The following BCAS3 variants were observed in gnomAD, a reference collection of about 807,000 sequenced individuals.
The protein encoded by BCAS3 is BCAS4/BCAS3 fusion.
BCAS3 carries 53 observed loss-of-function variants against 116.1 expected under a neutral mutation model. The ratio of observed to expected loss-of-function variants is 0.46; its 90% CI spans 0.37 to 0.57. The LOEUF is 0.57. Among genes scored for constraint, BCAS3 ranks in the 20% least tolerant of loss-of-function variants. BCAS3 has a pLI of 0.00. For synonymous variants in BCAS3, 391 were observed against 408.2 expected (o/e 0.96, Z 0.51); for missense variants, 917 against 1,165.4 (o/e 0.79, Z 3.10).
intron 22 of BCAS3, among the ~76,000 whole-genome samples, chr17:61,359,346 G>A (rs1388388430): frequency 6.6e-6 from 1 of 151,892 alleles, no homozygotes; most frequent in African/African-American, 2.4e-5. Flanking sequence ...GCTTTTATTT[G>A]TGATTCATGA....
chr17:60,789,338 A>G (rs372600729), intron 6 of BCAS3, among the ~76,000 whole-genome samples: 1 of 152,108 alleles, frequency 6.6e-6, no homozygotes, highest in African/African-American at 2.4e-5. Flanking sequence ...TGAGTTTACA[A>G]TGGTGTGTGT....
chr17:61,349,981 G>A lies in BCAS3; in HGVS notation c.2426-18346G>A, dbSNP rs1228949999. On this transcript the variant is annotated intron_variant, in intron 22 of 23. Transcript: ENST00000407086. The surrounding 1 kb of genome is among the most constrained non-coding windows in gnomAD (Gnocchi z 4.7). ...TAATCTCTCCTGAACAATTGGCTTTGGGACATTGTCTTTCTAGGAAAAATA... is the reference window on the plus strand; with the variant it reads ...TAATCTCTCCTGAACAATTGGCTTTAGGACATTGTCTTTCTAGGAAAAATA... Among the ~76,000 whole-genome samples the A allele has an allele frequency of 6.6e-6, 1 of 152,092 alleles. No individual in the cohort carries two copies. Among genetic ancestry groups the A allele is most frequent in the East Asian group, 1.9e-4 (1 of 5,196 alleles).
At position 61,376,435 on chromosome 17, in the gene BCAS3, C is replaced by T. The variant is rs770958387; in HGVS notation, c.2593+7941C>T. 6.6e-6 allele frequency among the ~76,000 whole-genome samples: 1 copy of T among 152,234 alleles called. No homozygotes were observed. Among genetic ancestry groups the T allele is most frequent in the East Asian group, 1.9e-4 (1 of 5,202 alleles). On this transcript the variant is annotated intron_variant, in intron 23 of 23. Transcript: ENST00000407086. The surrounding 1 kb of genome is among the most constrained non-coding windows in gnomAD (Gnocchi z 4.5). Reference sequence around the variant, plus strand: ...CAGAGAATCTTCTCTCCTCTTCCTACAGCCACTCTATCAGGCAAACTGGTA... The same window carrying T: ...CAGAGAATCTTCTCTCCTCTTCCTATAGCCACTCTATCAGGCAAACTGGTA...
At chr17:61,090,670 T>TC (rs1195037524) in intron 22 of BCAS3, among the ~76,000 whole-genome samples, 2 of 152,198 alleles carry the variant, frequency 1.3e-5, no homozygotes, top group Non-Finnish European at 2.9e-5. Flanking sequence ...TTTCTTTCTT[T>TC]TTTTTGAGAT....
At position 60,720,603 on chromosome 17, in the gene BCAS3, G is replaced by T. The variant is rs1207377130; in HGVS notation, c.321+11278G>T. Among the ~76,000 whole-genome samples, 4 of 151,556 alleles carry T rather than the reference G, an allele frequency of 2.6e-5. No individual in the cohort carries two copies. In the East Asian group the frequency reaches 7.7e-4, roughly 29 times the overall value. ...CAGTCAATATGGATAGAAAATATTT[G>T]GGAAAAAAGTAAAAAATAATTCAAC... On this transcript the variant is annotated intron_variant, in intron 5 of 23. Coordinates refer to ENST00000407086, the MANE Select transcript of BCAS3 (RefSeq NM_017679.5).
chr17:61,303,548 C>T (rs1205335622), intron 22 of BCAS3, among the ~76,000 whole-genome samples: 8 of 152,188 alleles, frequency 5.3e-5, no homozygotes, highest in Admixed American at 3.3e-4. Flanking sequence ...TTGGCACTTT[C>T]TCCTCCTGCT....
intron 22 of BCAS3, among the ~76,000 whole-genome samples, chr17:61,242,855 A>C (rs200622298): frequency 2.7e-5 from 4 of 148,876 alleles, no homozygotes; most frequent in African/African-American, 9.8e-5. Context: ...AAAAAAAAAC[A>C]AAAAAACCCA....
At chr17:60,812,680 T>C (rs1466354062) in intron 7 of BCAS3, among the ~76,000 whole-genome samples, 2 of 152,156 alleles carry the variant, frequency 1.3e-5, no homozygotes, top group East Asian at 3.9e-4. Context: ...AGTCAATACA[T>C]ACATACATAC....
At chr17:61,289,702 C>G (rs1370882161) in intron 22 of BCAS3, among the ~76,000 whole-genome samples, 1 of 152,078 alleles carries the variant, frequency 6.6e-6, no homozygotes, top group African/African-American at 2.4e-5. Context: ...AACAGCACTC[C>G]TTTTCTTTAT....
chr17:60,865,952 G>A (rs2054557862), intron 7 of BCAS3, among the ~76,000 whole-genome samples: 1 of 152,044 alleles, frequency 6.6e-6, no homozygotes. Context: ...TGAAAAGGGT[G>A]TTGCATTTTT....
intron 6 of BCAS3, among the ~76,000 whole-genome samples, chr17:60,751,760 C>G (rs1194906178): frequency 2.0e-5 from 3 of 152,092 alleles, no homozygotes; most frequent in Non-Finnish European, 2.9e-5. Context: ...TCAGGCTGGT[C>G]TCGAACTCCT....
chr17:61,324,606 G>GGCCTGGGGTCAGCA lies in BCAS3; in HGVS notation c.2426-43714_2426-43701dup, dbSNP rs1265215506. ...CTGAATGACAGTAAAGTAAGGGCTG[G>GGCCTGGGGTCAGCA]GCCTGGGGTCAGCAGCCTGGCGTCC... On this transcript the variant is annotated intron_variant, in intron 22 of 23. Transcript: ENST00000407086. This position sits in a 1 kb window ranked among gnomAD's most constrained non-coding sequence, Gnocchi z 4.6. Among the ~76,000 whole-genome samples the GGCCTGGGGTCAGCA allele has an allele frequency of 1.2e-4, 19 of 152,230 alleles. No individual in the cohort carries two copies. The highest frequency in any genetic ancestry group is 4.1e-4 in the African/African-American group (17 of 41,554).
intron 22 of BCAS3, among the ~76,000 whole-genome samples, chr17:61,252,357 A>T (rs896454097): frequency 3.3e-5 from 5 of 152,206 alleles, no homozygotes; most frequent in Non-Finnish European, 4.4e-5. Flanking sequence ...CAGGTCAGGA[A>T]GCTGAAGTGC....
Position 61,002,867 on chromosome 17 carries a change from A to G in BCAS3, c.1486+12632A>G, listed in dbSNP as rs2064348695. 2.6e-5 allele frequency: 4 copies of G among 152,126 alleles called. No homozygotes were observed. In the South Asian group the frequency reaches 6.2e-4, roughly 24 times the overall value. The allele number at this position is 152,126 out of a possible 1,614,324, so 9.4% of individuals were successfully genotyped here. On this transcript the variant is annotated intron_variant, in intron 15 of 23. Coordinates refer to ENST00000407086, the MANE Select transcript of BCAS3 (RefSeq NM_017679.5). The stretch of plus-strand genomic sequence containing the variant: ...TGAGGCATTATAAGGGCTAATAGTT[A>G]TCTACTCTTTTCTATTAACATTGAT...
At chr17:60,951,243 C>A (rs1229508371) in intron 14 of BCAS3, among the ~76,000 whole-genome samples, 6 of 151,726 alleles carry the variant, frequency 4.0e-5, no homozygotes, top group Non-Finnish European at 5.9e-5. Context: ...TTTTATTTTT[C>A]TCTTATTATA....
In BCAS3 at chr17:61,084,613, A is replaced by G; in HGVS notation, c.2425+49A>G. On this transcript the variant is annotated intron_variant, in intron 22 of 23. Coordinates refer to ENST00000407086, the MANE Select transcript of BCAS3 (RefSeq NM_017679.5). This position sits in a 1 kb window ranked among gnomAD's most constrained non-coding sequence, Gnocchi z 5.5. The stretch of plus-strand genomic sequence containing the variant: ...TTATTGGGCAGTCCTGTGCATTTTT[A>G]ACTAATTTTCTCGCACAATGTAGAG... The G allele has an allele frequency of 6.8e-7, 1 of 1,466,786 alleles. No individual in the cohort carries two copies. The highest frequency in any genetic ancestry group is 1.4e-5 in the African/African-American group (1 of 71,792). 90.9% of individuals were successfully genotyped at this position (1,466,786 alleles called of 1,614,324 possible).
chr17:60,782,774 G>C (rs980598002), intron 6 of BCAS3, among the ~76,000 whole-genome samples: 1 of 151,750 alleles, frequency 6.6e-6, no homozygotes, highest in Non-Finnish European at 1.5e-5. Context: ...TTTTAGTAGA[G>C]ATGGGGCTTC....
rs1169338595 is a variant in BCAS3 at position 61,128,307 on chromosome 17, G to A, written c.2425+43743G>A. The A allele has an allele frequency of 4.1e-6, 4 of 985,310 alleles. No homozygotes were observed. The South Asian group carries it at 1.4e-4, about 35-fold the overall frequency. 61.0% of individuals were successfully genotyped at this position (985,310 alleles called of 1,614,324 possible). A position where few individuals can be genotyped will look rare whatever the true frequency, so the allele number is the denominator to read the frequency against. The stretch of plus-strand genomic sequence containing the variant: ...TTTCATCTACGGCTGAGATGCAGAG[G>A]AGAGACTTAGTGAAATATGCAGAGC... On this transcript the variant is annotated intron_variant, in intron 22 of 23. Coordinates refer to ENST00000407086, the MANE Select transcript of BCAS3 (RefSeq NM_017679.5). The surrounding 1 kb of genome is among the most constrained non-coding windows in gnomAD (Gnocchi z 4.1).
intron 16 of BCAS3, among the ~76,000 whole-genome samples, chr17:61,022,457 G>A (rs2065944349): frequency 6.6e-6 from 1 of 152,048 alleles, no homozygotes; most frequent in Non-Finnish European, 1.5e-5. Flanking sequence ...TGTTAGCCAG[G>A]ATGGTCTCAT....
Sources: gnomAD v4.1 joint callset for allele counts (sites outside exome capture counted in the v4.1 genomes callset) on GRCh38, gnomAD v4.1.1 for gene constraint, Gnocchi (gnomAD v3.1) non-coding constraint, MANE v1.5 for transcripts, NCBI Gene and HGNC (gene_info 2026-07-23, HGNC 2026-07-21) for gene names.